Variants in ALK observed in about 807,000 individuals in gnomAD.
ALK encodes the protein ALK receptor tyrosine kinase.
In ALK, 74 loss-of-function variants were observed where a neutral mutation model predicts 163.1. The observed-to-expected ratio is 0.45, with a 90% CI of 0.38 to 0.55. ALK has a LOEUF of 0.55. ALK is among the 20% of genes least tolerant of loss of function. The pLI is 0.00. For synonymous variants in ALK, 960 were observed against 843.2 expected (o/e 1.14, Z -2.40); for missense variants, 2,063 against 2,105.3 (o/e 0.98, Z 0.39).
chr2:29,354,801 C>G lies in ALK; in HGVS notation c.1283-26320G>C, dbSNP rs563417367. 5.8e-3 allele frequency among the ~76,000 whole-genome samples: 867 copies of G among 148,728 alleles called. 4 individuals are homozygous for G. The highest frequency in any genetic ancestry group is 0.021 in the African/African-American group (843 of 40,274). On this transcript the variant is annotated intron_variant, in intron 5 of 28. Coordinates refer to ENST00000389048, the MANE Select transcript of ALK (RefSeq NM_004304.5). ...TTTTTTTTTGAGATGGAGTCTCGCT[C>G]TGTCACCCAGGCTGGAGTGCAGTGG...
rs1379890469 is a variant in ALK at position 29,920,110 on chromosome 2, G to A, written c.550C>T (p.Arg184Ter). Residue 184 changes from arginine (R) to a stop codon, truncating the protein, a stop_gained, in exon 1 of 29, where the codon CGA (arginine) becomes TGA (stop). Coordinates refer to ENST00000389048, the MANE Select transcript of ALK (RefSeq NM_004304.5). LOFTEE classifies it high-confidence loss of function. ...TCGGGCATCAGGCGGATCCTCAGTC[G>A]CCCTTCGCCTTGGCGAATCCACCAA... is the stretch of plus-strand genomic sequence containing the variant. ...FSWWIRQGEG[R>*]LRIRLMPEKK... The A allele has an allele frequency of 1.2e-6, 2 of 1,614,090 alleles. No individual in the cohort carries two copies. The highest frequency in any genetic ancestry group is 1.1e-5 in the South Asian group (1 of 91,082).
intron 1 of ALK, among the ~76,000 whole-genome samples, chr2:29,918,342 T>A (rs1359223502): frequency 1.3e-5 from 2 of 152,248 alleles, no homozygotes; most frequent in Non-Finnish European, 2.9e-5. Flanking sequence ...AAGTCATTTT[T>A]ATATCCATTA....
chr2:29,533,377 C>G (rs1469567818), intron 3 of ALK, among the ~76,000 whole-genome samples: 1 of 152,208 alleles, frequency 6.6e-6, no homozygotes, highest in Non-Finnish European at 1.5e-5. Flanking sequence ...ATTCAGTCCT[C>G]TTGCTTTCCT....
intron 3 of ALK, among the ~76,000 whole-genome samples, chr2:29,568,487 T>A (rs1178504486): frequency 6.6e-6 from 1 of 152,164 alleles, no homozygotes; most frequent in Non-Finnish European, 1.5e-5. Flanking sequence ...AATTCAAATG[T>A]CTAGTGTGCT....
chr2:29,470,025 T>C (rs1671311909), intron 4 of ALK, among the ~76,000 whole-genome samples: 1 of 152,116 alleles, frequency 6.6e-6, no homozygotes. Flanking sequence ...AATAAAGAAT[T>C]TCATTAGAAA....
intron 3 of ALK, among the ~76,000 whole-genome samples, chr2:29,671,228 T>C (rs1460956166): frequency 6.6e-6 from 1 of 152,114 alleles, no homozygotes; most frequent in Non-Finnish European, 1.5e-5. Context: ...GGTTCACCTC[T>C]GCGCTAATAA....
chr2:29,314,218 G>A (rs930145838), intron 8 of ALK, among the ~76,000 whole-genome samples: 2 of 152,110 alleles, frequency 1.3e-5, no homozygotes, highest in Non-Finnish European at 2.9e-5. Context: ...TTCAGGGATG[G>A]ATGGCCAAGG....
intron 8 of ALK, among the ~76,000 whole-genome samples, chr2:29,309,343 A>G (rs938283969): frequency 6.6e-6 from 1 of 152,166 alleles, no homozygotes; most frequent in Non-Finnish European, 1.5e-5. Flanking sequence ...CAGCTTTTGA[A>G]TGGGAACCAA....
At chr2:29,294,080 G>A (rs1490685701) in intron 9 of ALK, among the ~76,000 whole-genome samples, 1 of 152,238 alleles carries the variant, frequency 6.6e-6, no homozygotes, top group African/African-American at 2.4e-5. Flanking sequence ...TTCATGGGAT[G>A]TGGGGCAGGT....
chr2:29,693,382 A>G (rs1305087884), intron 3 of ALK, among the ~76,000 whole-genome samples: 2 of 149,440 alleles, frequency 1.3e-5, no homozygotes, highest in African/African-American at 4.9e-5. Flanking sequence ...ATTCTGATGC[A>G]CTGTCAGGTT....
At chr2:29,200,953 T>C (rs538573405) in intron 26 of ALK, among the ~76,000 whole-genome samples, 1 of 151,788 alleles carries the variant, frequency 6.6e-6, no homozygotes, top group East Asian at 1.9e-4. Context: ...GCAAACATTA[T>C]TGCTGATTAA....
intron 23 of ALK, among the ~76,000 whole-genome samples, chr2:29,219,733 A>G (rs1033420292): frequency 3.9e-5 from 6 of 152,160 alleles, no homozygotes; most frequent in Admixed American, 3.3e-4. Flanking sequence ...CAATCCTCAG[A>G]TCTCACCTGT....
intron 9 of ALK, among the ~76,000 whole-genome samples, chr2:29,295,370 C>T (rs1666144134): frequency 6.6e-6 from 1 of 152,150 alleles, no homozygotes; most frequent in African/African-American, 2.4e-5. Context: ...TTAATTTCAC[C>T]TCTCCCAGGA....
chr2:29,276,740 C>T lies in ALK; in HGVS notation c.1818-1244G>A, dbSNP rs150224543. On this transcript the variant is annotated intron_variant, in intron 9 of 28. Coordinates refer to ENST00000389048, the MANE Select transcript of ALK (RefSeq NM_004304.5). Reference sequence around the variant, plus strand: ...AGAAGCCAGACAGTAGGTGAAAGACCGCCTATTGAATGATTCCATTGATAG... The same window carrying T: ...AGAAGCCAGACAGTAGGTGAAAGACTGCCTATTGAATGATTCCATTGATAG... Among the ~76,000 whole-genome samples, 793 of 152,246 alleles carry T rather than the reference C, an allele frequency of 5.2e-3. 8 individuals are homozygous for T. The highest frequency in any genetic ancestry group is 0.018 in the African/African-American group (740 of 41,534).
intron 1 of ALK, among the ~76,000 whole-genome samples, chr2:29,882,992 A>G (rs56820800): frequency 0.064 from 9,686 of 152,124 alleles, 447 homozygotes; most frequent in East Asian, 0.14. Context: ...GGAAGTGCAA[A>G]TAAGCTTAAT....
intron 9 of ALK, among the ~76,000 whole-genome samples, chr2:29,288,734 T>C (rs1315669297): frequency 6.6e-6 from 1 of 151,992 alleles, no homozygotes; most frequent in Non-Finnish European, 1.5e-5. Flanking sequence ...GCAGATCACT[T>C]GAGCTCAGGA....
At chr2:29,894,938 T>C (rs1667231981) in intron 1 of ALK, among the ~76,000 whole-genome samples, 1 of 152,114 alleles carries the variant, frequency 6.6e-6, no homozygotes, top group Admixed American at 6.6e-5. Flanking sequence ...AGATGTAGCA[T>C]TTGTTTAACA....
At chr2:29,877,730 C>T (rs572406428) in intron 1 of ALK, among the ~76,000 whole-genome samples, 15 of 152,200 alleles carry the variant, frequency 9.9e-5, no homozygotes, top group African/African-American at 2.9e-4. Context: ...CCCTCCCACA[C>T]GCTGGCTCTG....
At chr2:29,364,095 C>G (rs1668447558) in intron 5 of ALK, among the ~76,000 whole-genome samples, 1 of 152,272 alleles carries the variant, frequency 6.6e-6, no homozygotes, top group South Asian at 2.1e-4. Flanking sequence ...TATTACTGTA[C>G]TAATATTCTA....
Sources: allele counts gnomAD v4.1 joint callset (sites outside exome capture counted in the v4.1 genomes callset), GRCh38; gene constraint gnomAD v4.1.1; transcripts MANE v1.5; gene names NCBI Gene and HGNC (gene_info 2026-07-23, HGNC 2026-07-21).